The following ELMOD3 variants were observed in gnomAD, a reference collection of about 807,000 sequenced individuals.
ELMOD3 encodes the protein ELMO domain-containing protein 3.
A neutral mutation model predicts 47.4 loss-of-function variants in ELMOD3; 36 were observed. The ratio of observed to expected loss-of-function variants is 0.76; its 90% CI spans 0.58 to 1.00. ELMOD3 has a LOEUF of 1.00. Among genes scored for constraint, ELMOD3 ranks in the 50% least tolerant of loss-of-function variants. The pLI, the probability that ELMOD3 is intolerant of heterozygous loss-of-function variation, is 0.00. For missense variants in ELMOD3, 404 were observed against 463.8 expected (o/e 0.87, Z 1.18); for synonymous variants, 149 against 183.5 (o/e 0.81, Z 1.52).
intron 11 of ELMOD3, among the ~76,000 whole-genome samples, chr2:85,384,272 T>C (rs1685774759): frequency 6.6e-6 from 1 of 152,240 alleles, no homozygotes; most frequent in African/African-American, 2.4e-5. Context: ...GTTTTCACAA[T>C]AGAAACTTCA....
chr2:85,387,096 A>G (rs1404909469), intron 11 of ELMOD3: 4 of 1,302,022 alleles, frequency 3.1e-6, no homozygotes, highest in Non-Finnish European at 4.0e-6. Flanking sequence ...ATTTATTTTT[A>G]GATTGAAAGA....
At chr2:85,387,647 A>G (rs1686025536) in intron 11 of ELMOD3, among the ~76,000 whole-genome samples, 1 of 145,992 alleles carries the variant, frequency 6.8e-6, no homozygotes, top group African/African-American at 2.6e-5. Context: ...AGCCTGGGCG[A>G]CAGAGCAAGA....
Position 85,368,774 on chromosome 2 carries a change from T to A in ELMOD3, c.268+20T>A, listed in dbSNP as rs1291322167. ...AGACAGGTAACTGTACGAATGCTGC[T>A]GTCTCCCCATAGCCCCTCTGCCAGC... On this transcript the variant is annotated intron_variant, in intron 7 of 13. Transcript: ENST00000409013. 6.2e-7 allele frequency: 1 copy of A among 1,613,826 alleles called. No homozygotes were observed. The highest frequency in any genetic ancestry group is 1.3e-5 in the African/African-American group (1 of 75,060).
At chr2:85,359,342 A>C (rs540141745) in intron 4 of ELMOD3, among the ~76,000 whole-genome samples, 2 of 151,128 alleles carry the variant, frequency 1.3e-5, no homozygotes, top group African/African-American at 4.9e-5. Flanking sequence ...GCCAATGTAC[A>C]TGTTATCAGA....
intron 4 of ELMOD3, among the ~76,000 whole-genome samples, chr2:85,361,302 G>A (rs1344303377): frequency 6.6e-6 from 1 of 152,158 alleles, no homozygotes; most frequent in African/African-American, 2.4e-5. Flanking sequence ...AGAACCCTCA[G>A]ACTTTCAAAG....
At chr2:85,372,901 A>AAG (rs1306362402) in intron 10 of ELMOD3, 1 of 150,932 alleles carries the variant, frequency 6.6e-6, no homozygotes, top group African/African-American at 2.4e-5. Context: ...AAAAAAAAAA[A>AAG]AAAAAAAAGA....
chr2:85,370,434 A>C (rs1195711951), intron 8 of ELMOD3, among the ~76,000 whole-genome samples: 1 of 151,714 alleles, frequency 6.6e-6, no homozygotes, highest in Non-Finnish European at 1.5e-5. Context: ...AAAAAAAAAA[A>C]GCTGGGGAGC....
Position 85,391,115 on chromosome 2 carries a change from C to A in ELMOD3, c.*153C>A. The A allele has an allele frequency of 2.8e-6, 2 of 716,722 alleles. No homozygotes were observed. The highest frequency in any genetic ancestry group is 4.6e-6 in the Non-Finnish European group (2 of 433,778). 44.4% of individuals were successfully genotyped at this position (716,722 alleles called of 1,614,324 possible). A position where few individuals can be genotyped will look rare whatever the true frequency, so the allele number is the denominator to read the frequency against. On this transcript the variant is annotated 3_prime_UTR_variant, in exon 14 of 14. Transcript: ENST00000409013. ...GGGCTTAGCTGTGGGAAGCCAAGTA[C>A]CCTCACCGGCATGGGACATGAGGGG...
chr2:85,365,093 T>G (rs1684280669), intron 6 of ELMOD3, among the ~76,000 whole-genome samples: 1 of 148,210 alleles, frequency 6.7e-6, no homozygotes, highest in Non-Finnish European at 1.5e-5. Context: ...ACAGGCATGG[T>G]GGCATGTGCC....
intron 10 of ELMOD3, chr2:85,372,262 A>G (rs909633028): frequency 6.6e-6 from 1 of 152,110 alleles, no homozygotes; most frequent in African/African-American, 2.4e-5. Flanking sequence ...AATCACTTGA[A>G]CCCGGAGGCA....
chr2:85,384,166 G>C (rs576342793), intron 11 of ELMOD3, among the ~76,000 whole-genome samples: 1 of 152,366 alleles, frequency 6.6e-6, no homozygotes, highest in South Asian at 2.1e-4. Context: ...GAGCAGAGGG[G>C]TAACTTTGAA....
chr2:85,388,441 T>G (rs991256033), intron 11 of ELMOD3, among the ~76,000 whole-genome samples: 1 of 152,224 alleles, frequency 6.6e-6, no homozygotes, highest in Admixed American at 6.5e-5. Flanking sequence ...GTTAACTTTT[T>G]TCTGCACAGC....
rs563413135 is a variant in ELMOD3, at chr2:85,365,354, A to G, written c.199+2188A>G. On this transcript the variant is annotated intron_variant, in intron 6 of 13. Coordinates refer to ENST00000409013, the MANE Select transcript of ELMOD3 (RefSeq NM_001135022.2). ...GACAGAGCGAGACTTCTTCTCAAAAAAAAATATATATATAATAAATAAAAA... is the reference window on the plus strand; with the variant it reads ...GACAGAGCGAGACTTCTTCTCAAAAGAAAATATATATATAATAAATAAAAA... Among the ~76,000 whole-genome samples the G allele has an allele frequency of 1.3e-4, 20 of 150,840 alleles. No homozygotes were observed. In the East Asian group the frequency reaches 3.7e-3, roughly 28 times the overall value.
chr2:85,377,497 G>A, intron 11 of ELMOD3, 23 bp downstream of exon 11: 3 of 1,599,348 alleles, frequency 1.9e-6, no homozygotes, highest in Non-Finnish European at 1.7e-6. Flanking sequence ...TGGGAAGCCA[G>A]AGGAAAGGAA....
chr2:85,375,197 C>T (rs1169248012), intron 10 of ELMOD3, among the ~76,000 whole-genome samples: 1 of 152,136 alleles, frequency 6.6e-6, no homozygotes, highest in Admixed American at 6.5e-5. Flanking sequence ...TGTCTTGAGT[C>T]TGTAGGTTTG....
chr2:85,370,419 T>TA (rs569181155), intron 8 of ELMOD3, among the ~76,000 whole-genome samples: 15,121 of 121,056 alleles, frequency 0.12, 746 homozygotes, highest in South Asian at 0.19. Flanking sequence ...CCTGTCTCCG[T>TA]AAAAAAAAAA....
rs765497393 is a variant in ELMOD3, at chr2:85,390,921, G to A, written c.1105G>A (p.Asp369Asn). ...GGATCTCACCTTCACAGGTGAGAGT[G>A]ACCTGCAGTCTCACTCATCCGAAGG... ...FKDLTFTGES[D>N]LQSHSSEGVW... Residue 369 changes from aspartate (D) to asparagine (N), a missense_variant, in exon 14 of 14, where the codon GAC becomes AAC. By Grantham distance (23) the Asp-to-Asn change is conservative. Transcript: ENST00000409013. 1 of 1,551,722 alleles carries A rather than the reference G, an allele frequency of 6.4e-7. No homozygotes were observed. Among genetic ancestry groups the A allele is most frequent in the South Asian group, 1.2e-5 (1 of 84,040 alleles).
intron 6 of ELMOD3, among the ~76,000 whole-genome samples, chr2:85,363,629 A>G (rs1197399284): frequency 6.6e-6 from 1 of 152,232 alleles, no homozygotes; most frequent in Non-Finnish European, 1.5e-5. Context: ...TGATAAAGGC[A>G]TACCCAAGAC....
intron 11 of ELMOD3, among the ~76,000 whole-genome samples, chr2:85,385,622 G>A (rs1002083481): frequency 1.3e-5 from 2 of 152,190 alleles, no homozygotes; most frequent in Admixed American, 1.3e-4. Flanking sequence ...GGGCCCAGAG[G>A]CCTGACAGGA....
Sources: allele counts gnomAD v4.1 joint callset (sites outside exome capture counted in the v4.1 genomes callset), GRCh38; gene constraint gnomAD v4.1.1; transcripts MANE v1.5; gene names NCBI Gene and HGNC (gene_info 2026-07-23, HGNC 2026-07-21).